GABRB1: variants seen among roughly 807,000 people sequenced by gnomAD.
GABRB1 encodes gamma-aminobutyric acid type A receptor subunit beta1.
A neutral mutation model predicts 51.6 loss-of-function variants in GABRB1; 17 were observed. That is an observed-to-expected ratio of 0.33 (90% CI 0.23 to 0.49). The LOEUF (loss-of-function observed/expected upper bound fraction) is 0.49, where lower values mean the gene tolerates loss of function less well. Ranked by LOEUF, GABRB1 falls within the 20% of genes least tolerant of loss-of-function variation. The probability of loss-of-function intolerance (pLI) is 0.99; values close to 1 mark genes in which losing one functional copy is unlikely to be tolerated. For synonymous variants in GABRB1, 247 were observed against 218.9 expected (o/e 1.13, Z -1.14); for missense variants, 410 against 600.6 (o/e 0.68, Z 3.32).
chr4:47,001,324 A>G (rs1413705505), intron 1 of GABRB1, among the ~76,000 whole-genome samples: 1 of 151,782 alleles, frequency 6.6e-6, no homozygotes. Context: ...TTGTATTTTT[A>G]GTAGAGATGT....
At chr4:47,396,734 G>T (rs922644318) in intron 5 of GABRB1, among the ~76,000 whole-genome samples, 1 of 152,066 alleles carries the variant, frequency 6.6e-6, no homozygotes, top group African/African-American at 2.4e-5. Context: ...TAATACTTTC[G>T]ATAGCTGAAG....
At chr4:47,197,707 G>A (rs1237503823) in intron 4 of GABRB1, among the ~76,000 whole-genome samples, 2 of 152,102 alleles carry the variant, frequency 1.3e-5, no homozygotes, top group East Asian at 1.9e-4. Context: ...GTTTCTAAGC[G>A]CTAGCTTAGT....
chr4:47,286,491 G>A (rs1425958764), intron 4 of GABRB1, among the ~76,000 whole-genome samples: 1 of 151,970 alleles, frequency 6.6e-6, no homozygotes, highest in Non-Finnish European at 1.5e-5. Flanking sequence ...TTTATTTCCT[G>A]CCCTTCCTTG....
At chr4:47,263,547 G>T (rs1303102545) in intron 4 of GABRB1, among the ~76,000 whole-genome samples, 1 of 152,168 alleles carries the variant, frequency 6.6e-6, no homozygotes, top group African/African-American at 2.4e-5. Context: ...GATTTTTAGA[G>T]AATGCTGGTT....
At chr4:47,183,863 C>A (rs1366585290) in intron 4 of GABRB1, among the ~76,000 whole-genome samples, 1 of 151,874 alleles carries the variant, frequency 6.6e-6, no homozygotes, top group Non-Finnish European at 1.5e-5. Context: ...TGACCTCCAG[C>A]TTCTTTCATG....
At chr4:47,132,563 G>C (rs1472625528) in intron 3 of GABRB1, among the ~76,000 whole-genome samples, 1 of 151,974 alleles carries the variant, frequency 6.6e-6, no homozygotes, top group East Asian at 1.9e-4. Context: ...CTCTACTCCT[G>C]AACAGTCAGT....
chr4:47,325,689 C>T (rs977985499), intron 5 of GABRB1, among the ~76,000 whole-genome samples: 3 of 152,164 alleles, frequency 2.0e-5, no homozygotes, highest in African/African-American at 7.2e-5. Context: ...TGCTTTTCCC[C>T]ACCATAGTTC....
intron 4 of GABRB1, among the ~76,000 whole-genome samples, chr4:47,188,605 T>A (rs530810003): frequency 1.3e-4 from 20 of 151,132 alleles, no homozygotes; most frequent in South Asian, 8.4e-4. Context: ...AATAAAAATT[T>A]AAAAAAAAAC....
intron 8 of GABRB1, among the ~76,000 whole-genome samples, chr4:47,418,829 G>A (rs1482807728): frequency 1.3e-5 from 2 of 152,192 alleles, no homozygotes; most frequent in African/African-American, 4.8e-5. Flanking sequence ...ATTTTGAGAT[G>A]TAGATGCCTC....
At chr4:47,352,159 A>G (rs980411275) in intron 5 of GABRB1, among the ~76,000 whole-genome samples, 1 of 152,220 alleles carries the variant, frequency 6.6e-6, no homozygotes, top group Admixed American at 6.5e-5. Flanking sequence ...TCTGATGGCC[A>G]GTGATGACGA....
chr4:47,010,987 G>C (rs1724565245), intron 1 of GABRB1, among the ~76,000 whole-genome samples: 1 of 151,924 alleles, frequency 6.6e-6, no homozygotes, highest in African/African-American at 2.4e-5. Flanking sequence ...CACTGACAGA[G>C]AGTCCTTCTT....
intron 5 of GABRB1, among the ~76,000 whole-genome samples, chr4:47,367,925 T>G (rs1327940945): frequency 6.6e-6 from 1 of 152,188 alleles, no homozygotes; most frequent in Non-Finnish European, 1.5e-5. Context: ...AACCACATTC[T>G]AGCTCACATG....
At chr4:47,124,080 T>C (rs547981338) in intron 3 of GABRB1, among the ~76,000 whole-genome samples, 1 of 148,596 alleles carries the variant, frequency 6.7e-6, no homozygotes, top group Admixed American at 6.9e-5. Flanking sequence ...TCTGCAGTCA[T>C]AAAGGCCTCA....
chr4:47,360,280 A>G (rs1726755168), intron 5 of GABRB1, among the ~76,000 whole-genome samples: 1 of 152,066 alleles, frequency 6.6e-6, no homozygotes. Flanking sequence ...CATCATTTTT[A>G]GGATTGAAAA....
At chr4:47,413,593 G>A (rs939750747) in intron 8 of GABRB1, among the ~76,000 whole-genome samples, 2 of 152,280 alleles carry the variant, frequency 1.3e-5, no homozygotes, top group East Asian at 1.9e-4. Flanking sequence ...CTTGTAAACA[G>A]TTAAATTTAA....
chr4:47,425,691 C>T lies in GABRB1; in HGVS notation c.1098C>T (p.Asn366=), dbSNP rs1729257584. 1 of 1,605,236 alleles carries T rather than the reference C, an allele frequency of 6.2e-7. No individual in the cohort carries two copies. Among genetic ancestry groups the T allele is most frequent in the Admixed American group, 1.7e-5 (1 of 58,752 alleles). ...GCCATCAGGTCGACGCCCACGGTAACATTCTCCTCAGCACCCTGGAAATCC... is the reference window on the plus strand; with the variant it reads ...GCCATCAGGTCGACGCCCACGGTAATATTCTCCTCAGCACCCTGGAAATCC... ...MNKVQVDAHG[N]ILLSTLEIRN... The change falls in exon 9 of 9, where the codon AAC becomes AAT. Residue 366 remains asparagine, a synonymous_variant. Coordinates refer to ENST00000295454, the MANE Select transcript of GABRB1 (RefSeq NM_000812.4).
intron 8 of GABRB1, among the ~76,000 whole-genome samples, chr4:47,416,576 T>A (rs1301061155): frequency 6.6e-6 from 1 of 151,684 alleles, no homozygotes; most frequent in Non-Finnish European, 1.5e-5. Context: ...TCAGCCTCCC[T>A]GAGTAGCTGG....
chr4:47,032,604 C>G (rs752608043), intron 3 of GABRB1, 120 bp downstream of exon 3: 1 of 930,790 alleles, frequency 1.1e-6, no homozygotes, highest in East Asian at 2.5e-5. Context: ...GGTCCCACTC[C>G]GCACCCGCTC....
intron 4 of GABRB1, among the ~76,000 whole-genome samples, chr4:47,235,664 A>C (rs532683585): frequency 2.0e-5 from 3 of 152,238 alleles, no homozygotes; most frequent in Admixed American, 2.0e-4. Context: ...AAGATAAGAG[A>C]ACTTTCTCCT....
Sources: allele counts gnomAD v4.1 joint callset (sites outside exome capture counted in the v4.1 genomes callset), GRCh38; gene constraint gnomAD v4.1.1; transcripts MANE v1.5; gene names NCBI Gene and HGNC (gene_info 2026-07-23, HGNC 2026-07-21).